PDS5A: variants seen among roughly 807,000 people sequenced by gnomAD.
PDS5A encodes PDS5 cohesin associated factor A.
In PDS5A, 42 loss-of-function variants were observed where a neutral mutation model predicts 167.1. The ratio of observed to expected loss-of-function variants is 0.25; its 90% CI spans 0.20 to 0.33. PDS5A has a LOEUF of 0.33. Ranked by LOEUF, PDS5A falls within the 10% of genes least tolerant of loss-of-function variation. The pLI, the probability that PDS5A is intolerant of heterozygous loss-of-function variation, is 1.00. For synonymous variants in PDS5A, 553 were observed against 554.6 expected, an observed-to-expected ratio of 1.00 and a Z score of 0.04; for missense variants, 1,033 against 1,605.9, an observed-to-expected ratio of 0.64 and a Z score of 6.10.
chr4:39,829,781 C>T (rs967088164), intron 32 of PDS5A, among the ~76,000 whole-genome samples: 25 of 151,688 alleles, frequency 1.6e-4, no homozygotes, highest in African/African-American at 5.8e-4. Context: ...GAAACCCTGT[C>T]TCCACTAAAA....
chr4:39,837,065 C>G (rs1422984177), intron 32 of PDS5A: 1 of 146,612 alleles, frequency 6.8e-6, no homozygotes, highest in Non-Finnish European at 1.5e-5. Context: ...CTCCTGACCT[C>G]AGGTGATCCA....
intron 17 of PDS5A, among the ~76,000 whole-genome samples, chr4:39,888,306 G>A (rs1453521814): frequency 3.3e-5 from 5 of 150,420 alleles, no homozygotes; most frequent in African/African-American, 4.9e-5. Context: ...GGATGCCGGC[G>A]AGGATGTAGA....
rs537633334 is a variant in PDS5A, at chr4:39,866,901, A to G, written c.2602T>C (p.Leu868=). Residue 868 remains leucine (L), a synonymous_variant, in exon 23 of 33, where the codon TTG becomes CTG. Coordinates refer to ENST00000303538, the MANE Select transcript of PDS5A (RefSeq NM_001100399.2). ...TCTGTCAGGTCACCCTCACTAACCA[A>G]CATCGCTGATAATAACCGAAGGGTT... ...NSTLRLLSAM[L]VSEGDLTEQK... The G allele has an allele frequency of 4.3e-6, 7 of 1,613,382 alleles. No homozygotes were observed. Among genetic ancestry groups the G allele is most frequent in the Non-Finnish European group, 5.9e-6 (7 of 1,179,628 alleles).
chr4:39,906,757 AG>A (rs35821849), intron 11 of PDS5A, among the ~76,000 whole-genome samples: 11,172 of 151,902 alleles, frequency 0.074, 453 homozygotes, highest in Middle Eastern at 0.14. Flanking sequence ...CCTCTAAAAA[AG>A]AGGGGTGGGT....
chr4:39,867,448 T>C (rs926574158), intron 22 of PDS5A, among the ~76,000 whole-genome samples: 2 of 151,594 alleles, frequency 1.3e-5, no homozygotes, highest in Admixed American at 6.6e-5. Context: ...ATCCCAGCAC[T>C]TTGGGAGGCC....
At chr4:39,889,440 CACCT>C in intron 17 of PDS5A, among the ~76,000 whole-genome samples, 1 of 152,346 alleles carries the variant, frequency 6.6e-6, no homozygotes, top group South Asian at 2.1e-4. Flanking sequence ...ATCAGTGATT[CACCT>C]AAGGTGAAAT....
intron 2 of PDS5A, among the ~76,000 whole-genome samples, chr4:39,964,786 C>G (rs2664189): frequency 2.0e-5 from 3 of 151,660 alleles, no homozygotes; most frequent in Non-Finnish European, 4.4e-5. Flanking sequence ...TGGTGAAACA[C>G]ATAAAAATTA....
chr4:39,911,720 T>G (rs1448778014), intron 9 of PDS5A, among the ~76,000 whole-genome samples: 1 of 151,228 alleles, frequency 6.6e-6, no homozygotes, highest in East Asian at 2.0e-4. Context: ...TAGTCCCAGC[T>G]GTTTGGGAGG....
intron 2 of PDS5A, 65 bp from the exon 3 acceptor site, chr4:39,928,229 G>T: frequency 1.9e-6 from 2 of 1,065,266 alleles, no homozygotes; most frequent in Non-Finnish European, 2.7e-6. Flanking sequence ...TGGAGGATGT[G>T]ATTTAAAAAA....
chr4:39,844,273 G>C (rs6813270), intron 30 of PDS5A, among the ~76,000 whole-genome samples: 1 of 151,982 alleles, frequency 6.6e-6, no homozygotes, highest in African/African-American at 2.4e-5. Context: ...TCAGGAGTTC[G>C]AGACCAGCCT....
intron 27 of PDS5A, 123 bp downstream of exon 27, chr4:39,849,397 A>T: frequency 1.5e-6 from 1 of 656,046 alleles, no homozygotes; most frequent in Non-Finnish European, 2.6e-6. Flanking sequence ...CTACACATTT[A>T]CTTTTGTAAA....
intron 2 of PDS5A, among the ~76,000 whole-genome samples, chr4:39,971,713 G>C (rs1279874504): frequency 6.6e-6 from 1 of 152,160 alleles, no homozygotes; most frequent in Non-Finnish European, 1.5e-5. Flanking sequence ...ACCTGCCTTG[G>C]CCTCCCAAAG....
At chr4:39,937,149 C>T (rs1034883655) in intron 2 of PDS5A, among the ~76,000 whole-genome samples, 7 of 152,134 alleles carry the variant, frequency 4.6e-5, no homozygotes, top group African/African-American at 7.2e-5. Flanking sequence ...ACTCAATCTC[C>T]AGCCTCCCTC....
rs539362968 is a variant in PDS5A, at chr4:39,838,053, T to G, written c.3813A>C (p.Gly1271=). 1.9e-6 allele frequency: 3 copies of G among 1,613,958 alleles called. No individual in the cohort carries two copies. Among genetic ancestry groups the G allele is most frequent in the East Asian group, 4.5e-5 (2 of 44,882 alleles). Reference sequence around the variant, plus strand: ...CCTGAGATTCAGACTTGGGTCGACGTCCTCTCCTGGGTTTGGAAGGGGCGG... The same window carrying G: ...CCTGAGATTCAGACTTGGGTCGACGGCCTCTCCTGGGTTTGGAAGGGGCGG... ...GPPAPSKPRR[G]RRPKSESQGN... The change falls in exon 32 of 33, where the codon GGA becomes GGC. Residue 1271 remains glycine (G), a synonymous_variant. Transcript: ENST00000303538.
rs1178389893 is a variant in PDS5A at position 39,923,331 on chromosome 4, TAAAAAAAAA to T, written c.528-592_528-584del. On this transcript the variant is annotated intron_variant, in intron 5 of 32. Transcript: ENST00000303538. ...CAACAGAGTGAGACTTTGTATCAAT[TAAAAAAAAA>T]AAAAAAGAAAAAAAAAAGGAAAAGG... Among the ~76,000 whole-genome samples, 8 of 65,904 alleles carry T rather than the reference TAAAAAAAAA, an allele frequency of 1.2e-4. 1 individual carries two copies. The Admixed American group carries it at 1.3e-3, about 11-fold the overall frequency. 43.2% of individuals were successfully genotyped at this position (65,904 alleles called of 152,430 possible). A position where few individuals can be genotyped will look rare whatever the true frequency, so the allele number is the denominator to read the frequency against.
At chr4:39,918,065 G>A (rs28576782) in intron 7 of PDS5A, among the ~76,000 whole-genome samples, 37,227 of 151,260 alleles carry the variant, frequency 0.25, 5,037 homozygotes, top group East Asian at 0.44. Context: ...TATAGCCCCA[G>A]CTACTCAGGA....
intron 10 of PDS5A, 152 bp from the exon 11 acceptor site, chr4:39,908,692 G>C (rs1578718546): frequency 3.3e-6 from 2 of 612,508 alleles, no homozygotes; most frequent in Non-Finnish European, 5.7e-6. Flanking sequence ...TATTTTTACA[G>C]CAGCAGTACT....
intron 7 of PDS5A, among the ~76,000 whole-genome samples, chr4:39,918,201 A>AC (rs1553901798): frequency 6.3e-4 from 95 of 150,878 alleles, no homozygotes; most frequent in African/African-American, 2.2e-3. Flanking sequence ...AAAAAAAAAA[A>AC]CAGAATAATT....
chr4:39,850,583 T>C (rs1718041791), intron 26 of PDS5A, among the ~76,000 whole-genome samples: 2 of 152,180 alleles, frequency 1.3e-5, no homozygotes, highest in Non-Finnish European at 2.9e-5. Context: ...TTTTGATTAT[T>C]TGTAAGCTAT....
Sources: gnomAD v4.1 joint callset for allele counts (sites outside exome capture counted in the v4.1 genomes callset) on GRCh38, gnomAD v4.1.1 for gene constraint, MANE v1.5 for transcripts, NCBI Gene and HGNC (gene_info 2026-07-23, HGNC 2026-07-21) for gene names.